The following GLCCI1 variants were observed in gnomAD, a reference collection of about 807,000 sequenced individuals.
GLCCI1 encodes glucocorticoid-induced transcript 1 protein.
A neutral mutation model predicts 52.2 loss-of-function variants in GLCCI1; 24 were observed. The observed-to-expected ratio is 0.46, with a 90% CI of 0.33 to 0.65. The LOEUF is 0.65. Ranked by LOEUF, GLCCI1 falls within the 30% of genes least tolerant of loss-of-function variation. The probability of loss-of-function intolerance (pLI) is 0.02; values close to 1 mark genes in which losing one functional copy is unlikely to be tolerated. For missense variants in GLCCI1, 704 were observed against 701.5 expected, an observed-to-expected ratio of 1.00 and a Z score of -0.04; for synonymous variants, 310 against 276.5, an observed-to-expected ratio of 1.12 and a Z score of -1.20.
intron 3 of GLCCI1, among the ~76,000 whole-genome samples, chr7:8,034,595 A>C (rs942917837): frequency 5.3e-5 from 8 of 152,240 alleles, no homozygotes; most frequent in African/African-American, 1.9e-4. Context: ...GGCTGACAAG[A>C]GACATCAGAC....
chr7:8,078,995 C>A (rs1051917959), intron 6 of GLCCI1, among the ~76,000 whole-genome samples: 6 of 152,110 alleles, frequency 3.9e-5, no homozygotes, highest in Non-Finnish European at 8.8e-5. Flanking sequence ...GCACTGACAA[C>A]ATTGATAGCA....
intron 1 of GLCCI1, among the ~76,000 whole-genome samples, chr7:7,971,209 C>T (rs1325967305): frequency 6.6e-6 from 1 of 152,180 alleles, no homozygotes; most frequent in Non-Finnish European, 1.5e-5. Context: ...GTCAAGCCAG[C>T]TGCTGCAGAA....
At chr7:7,975,822 A>G (rs1238070085) in intron 1 of GLCCI1, among the ~76,000 whole-genome samples, 1 of 151,950 alleles carries the variant, frequency 6.6e-6, no homozygotes, top group African/African-American at 2.4e-5. Flanking sequence ...AGAGAGAGAA[A>G]TTCTTGTTTC....
intron 3 of GLCCI1, among the ~76,000 whole-genome samples, chr7:8,036,499 C>CA (rs1781871462): frequency 1.3e-5 from 2 of 152,212 alleles, no homozygotes; most frequent in Non-Finnish European, 2.9e-5. Flanking sequence ...TATGAAAAAA[C>CA]AGAGTATTAC....
chr7:7,986,515 ACT>A (rs1233486031), intron 1 of GLCCI1, among the ~76,000 whole-genome samples: 4 of 138,192 alleles, frequency 2.9e-5, no homozygotes, highest in Non-Finnish European at 6.4e-5. Context: ...ACAGAGCGAG[ACT>A]CTGACTCAAA....
chr7:7,978,058 C>T (rs1211720083), intron 1 of GLCCI1, among the ~76,000 whole-genome samples: 8 of 152,150 alleles, frequency 5.3e-5, no homozygotes, highest in Admixed American at 1.3e-4. Context: ...TGGGACTAGA[C>T]GCTAGGGTGC....
At chr7:8,023,588 C>CTTTGTTTTTTTTTTTTTTTTTTT (rs1781544163) in intron 3 of GLCCI1, among the ~76,000 whole-genome samples, 1 of 41,984 alleles carries the variant, frequency 2.4e-5, no homozygotes, top group Non-Finnish European at 4.3e-5. Flanking sequence ...CTCTGTTATT[C>CTTTGTTTTTTTTTTTTTTTTTTT]TTTTTTTTTT....
At chr7:7,983,088 G>A (rs114072612) in intron 1 of GLCCI1, among the ~76,000 whole-genome samples, 150 of 152,240 alleles carry the variant, frequency 9.9e-4, no homozygotes, top group African/African-American at 3.5e-3. Flanking sequence ...CCTGTTTAAT[G>A]AAGTACGTGT....
intron 4 of GLCCI1, among the ~76,000 whole-genome samples, chr7:8,057,278 TA>T (rs550071728): frequency 1.4e-3 from 202 of 142,484 alleles, no homozygotes; most frequent in Middle Eastern, 3.5e-3. Flanking sequence ...TTCATAATAC[TA>T]AAAAAAAAAA....
At chr7:7,974,755 T>A (rs1780427861) in intron 1 of GLCCI1, among the ~76,000 whole-genome samples, 1 of 152,188 alleles carries the variant, frequency 6.6e-6, no homozygotes, top group South Asian at 2.1e-4. Context: ...GAGTATAGTC[T>A]AATGACTTAG....
At chr7:8,078,105 G>T (rs1427171678) in intron 6 of GLCCI1, among the ~76,000 whole-genome samples, 4 of 150,788 alleles carry the variant, frequency 2.7e-5, no homozygotes, top group African/African-American at 9.8e-5. Context: ...GTGGTGGCGG[G>T]CACCTGTAGT....
chr7:8,060,641 C>G (rs932391347), intron 5 of GLCCI1, among the ~76,000 whole-genome samples: 1 of 152,122 alleles, frequency 6.6e-6, no homozygotes, highest in African/African-American at 2.4e-5. Flanking sequence ...AAGGTTCACC[C>G]ACGTTTAGCC....
intron 1 of GLCCI1, among the ~76,000 whole-genome samples, chr7:7,970,122 G>A (rs905092323): frequency 3.9e-5 from 6 of 152,188 alleles, no homozygotes; most frequent in Non-Finnish European, 7.3e-5. Flanking sequence ...GAAGCTGGGC[G>A]AAACACTTAA....
At chr7:8,036,372 A>G (rs1781868783) in intron 3 of GLCCI1, among the ~76,000 whole-genome samples, 1 of 152,208 alleles carries the variant, frequency 6.6e-6, no homozygotes, top group Admixed American at 6.5e-5. Context: ...TACACAACAT[A>G]TATTATAGTC....
intron 3 of GLCCI1, among the ~76,000 whole-genome samples, chr7:8,054,371 A>T (rs911604997): frequency 6.6e-6 from 1 of 152,178 alleles, no homozygotes; most frequent in Non-Finnish European, 1.5e-5. Flanking sequence ...TGAGAGATCC[A>T]TAAGCTACAT....
At chr7:8,063,447 GT>G (rs937439141) in intron 5 of GLCCI1, among the ~76,000 whole-genome samples, 2 of 151,668 alleles carry the variant, frequency 1.3e-5, no homozygotes, top group African/African-American at 4.8e-5. Context: ...CACCCAGCCT[GT>G]TTTTTGACTT....
chr7:8,075,897 C>CT, intron 6 of GLCCI1, among the ~76,000 whole-genome samples: 1 of 152,152 alleles, frequency 6.6e-6, no homozygotes, highest in East Asian at 1.9e-4. Context: ...CTATTTAACT[C>CT]ATTCTGTGAT....
chr7:8,044,649 G>A (rs187427704), intron 3 of GLCCI1, among the ~76,000 whole-genome samples: 1 of 152,292 alleles, frequency 6.6e-6, no homozygotes, highest in Non-Finnish European at 1.5e-5. Flanking sequence ...AAAATTACAG[G>A]TGTGGGCCAC....
intron 1 of GLCCI1, among the ~76,000 whole-genome samples, chr7:7,979,013 T>C (rs1226864374): frequency 2.0e-5 from 3 of 152,226 alleles, no homozygotes; most frequent in Admixed American, 6.5e-5. Context: ...CTCTGACACA[T>C]TGACCTTAAA....
Sources: gnomAD v4.1 joint callset for allele counts (sites outside exome capture counted in the v4.1 genomes callset) on GRCh38, gnomAD v4.1.1 for gene constraint, MANE v1.5 for transcripts, NCBI Gene and HGNC (gene_info 2026-07-23, HGNC 2026-07-21) for gene names.